Variants in ROBO2 observed in about 807,000 individuals in gnomAD.
ROBO2 encodes roundabout guidance receptor 2.
A neutral mutation model predicts 160.8 loss-of-function variants in ROBO2; 53 were observed. That is an observed-to-expected ratio of 0.33 (90% CI 0.26 to 0.41). ROBO2 has a LOEUF of 0.41. Ranked by LOEUF, ROBO2 falls within the 10% of genes least tolerant of loss-of-function variation. ROBO2 has a pLI of 1.00. For missense variants in ROBO2, 1,577 were observed against 1,722.4 expected (o/e 0.92, Z 1.49); for synonymous variants, 664 against 611.7 (o/e 1.09, Z -1.26).
intron 2 of ROBO2, among the ~76,000 whole-genome samples, chr3:76,147,146 T>G (rs1220026333): frequency 6.6e-6 from 1 of 151,538 alleles, no homozygotes; most frequent in Non-Finnish European, 1.5e-5. Context: ...AAAAGAAAAT[T>G]TCTTGAGAAC....
At chr3:77,616,718 A>C (rs571623805) in intron 21 of ROBO2, among the ~76,000 whole-genome samples, 14 of 152,312 alleles carry the variant, frequency 9.2e-5, no homozygotes, top group African/African-American at 3.4e-4. Context: ...CAGAGAATTG[A>C]AATAAAAAAG....
At chr3:77,631,196 T>C (rs1264605197) in intron 23 of ROBO2, 1 of 152,004 alleles carries the variant, frequency 6.6e-6, no homozygotes, top group Non-Finnish European at 1.5e-5. Flanking sequence ...CTATCTTTCT[T>C]TGCTACACTT....
intron 2 of ROBO2, among the ~76,000 whole-genome samples, chr3:77,252,345 C>A (rs2090438727): frequency 6.6e-6 from 1 of 152,060 alleles, no homozygotes; most frequent in South Asian, 2.1e-4. Flanking sequence ...TTAGGCTTTC[C>A]CTATATCTCT....
At chr3:77,099,389 A>T (rs1430279865) in intron 2 of ROBO2, among the ~76,000 whole-genome samples, 1 of 152,120 alleles carries the variant, frequency 6.6e-6, no homozygotes, top group Non-Finnish European at 1.5e-5. Context: ...AGTTTGTGCT[A>T]AGAAACCTGG....
chr3:76,791,711 G>A (rs2063364708), intron 2 of ROBO2, among the ~76,000 whole-genome samples: 1 of 151,734 alleles, frequency 6.6e-6, no homozygotes, highest in Admixed American at 6.6e-5. Context: ...TTCAGAAAGT[G>A]AGATGATATC....
intron 2 of ROBO2, among the ~76,000 whole-genome samples, chr3:76,026,911 A>G (rs1041383011): frequency 1.3e-5 from 2 of 151,942 alleles, no homozygotes; most frequent in Admixed American, 1.3e-4. Context: ...AGAGGTCTCA[A>G]GGACCTTCCA....
intron 2 of ROBO2, among the ~76,000 whole-genome samples, chr3:76,054,598 G>T (rs563468048): frequency 6.6e-6 from 1 of 152,258 alleles, no homozygotes; most frequent in Non-Finnish European, 1.5e-5. Context: ...AAACAGTAGG[G>T]ACACATGGAC....
chr3:76,400,331 A>G (rs1267514236), intron 2 of ROBO2, among the ~76,000 whole-genome samples: 2 of 151,634 alleles, frequency 1.3e-5, no homozygotes. Context: ...TTCCTCAGTC[A>G]TGAGTCACAT....
At chr3:76,819,372 C>T (rs572069645) in intron 2 of ROBO2, among the ~76,000 whole-genome samples, 3 of 151,970 alleles carry the variant, frequency 2.0e-5, no homozygotes, top group Admixed American at 6.6e-5. Flanking sequence ...ATTGCCTCTC[C>T]GATCCCTTGT....
intron 2 of ROBO2, among the ~76,000 whole-genome samples, chr3:76,832,460 G>A (rs1409386564): frequency 6.6e-6 from 1 of 152,040 alleles, no homozygotes; most frequent in Non-Finnish European, 1.5e-5. Context: ...AAAAAACTGA[G>A]GAATGACAAC....
At chr3:77,564,129 T>C (rs1341542465) in intron 11 of ROBO2, among the ~76,000 whole-genome samples, 1 of 152,188 alleles carries the variant, frequency 6.6e-6, no homozygotes. Flanking sequence ...AAGGTAATGC[T>C]AGGTACTTAA....
chr3:77,391,842 G>A (rs2074770031), intron 2 of ROBO2, among the ~76,000 whole-genome samples: 1 of 152,054 alleles, frequency 6.6e-6, no homozygotes, highest in Non-Finnish European at 1.5e-5. Flanking sequence ...TTATAAGCAT[G>A]AGCCACCATT....
chr3:75,919,961 A>G (rs991699226), intron 1 of ROBO2, among the ~76,000 whole-genome samples: 5 of 151,642 alleles, frequency 3.3e-5, no homozygotes, highest in East Asian at 1.9e-4. Flanking sequence ...CGGTCTATCT[A>G]TTTTGTTAAT....
intron 2 of ROBO2, among the ~76,000 whole-genome samples, chr3:77,100,193 T>G (rs1489932588): frequency 6.6e-6 from 1 of 152,002 alleles, no homozygotes; most frequent in Non-Finnish European, 1.5e-5. Flanking sequence ...TGACAGTAAT[T>G]TTTTTTATTT....
At chr3:75,982,164 GTTC>G (rs1160080761) in intron 2 of ROBO2, among the ~76,000 whole-genome samples, 1 of 151,114 alleles carries the variant, frequency 6.6e-6, no homozygotes, top group African/African-American at 2.4e-5. Flanking sequence ...TTCTTTATCC[GTTC>G]TTCTGCTGAT....
chr3:76,143,413 T>C (rs1047384679), intron 2 of ROBO2, among the ~76,000 whole-genome samples: 1 of 152,078 alleles, frequency 6.6e-6, no homozygotes, highest in Non-Finnish European at 1.5e-5. Flanking sequence ...GCCAACCTTA[T>C]TATATTTATT....
intron 2 of ROBO2, among the ~76,000 whole-genome samples, chr3:77,275,613 A>G (rs559020183): frequency 1.3e-5 from 2 of 152,174 alleles, no homozygotes; most frequent in Admixed American, 6.5e-5. Flanking sequence ...GTTTTTCTAC[A>G]TTCTCTTTTC....
chr3:76,995,871 A>C (rs1479117981), intron 2 of ROBO2, among the ~76,000 whole-genome samples: 2 of 152,054 alleles, frequency 1.3e-5, no homozygotes, highest in African/African-American at 4.8e-5. Flanking sequence ...AGATGAGTAG[A>C]TTGCAAACAT....
intron 16 of ROBO2, 149 bp from the exon 18 acceptor site, chr3:77,588,602 G>T (rs552240685): frequency 2.8e-6 from 2 of 713,850 alleles, no homozygotes; most frequent in South Asian, 3.5e-5. Flanking sequence ...AAAATTATGG[G>T]CTATGCTTAT....
Sources: allele counts gnomAD v4.1 joint callset (sites outside exome capture counted in the v4.1 genomes callset), GRCh38; gene constraint gnomAD v4.1.1; transcripts MANE v1.5; gene names NCBI Gene and HGNC (gene_info 2026-07-23, HGNC 2026-07-21).